The following INPP4B variants were observed in gnomAD, a reference collection of about 807,000 sequenced individuals.
INPP4B encodes inositol polyphosphate 4-phosphatase type II.
In INPP4B, 55 loss-of-function variants were observed where a neutral mutation model predicts 122.5. The ratio of observed to expected loss-of-function variants is 0.45; its 90% CI spans 0.36 to 0.56. The LOEUF is 0.56. Among genes scored for constraint, INPP4B ranks in the 20% least tolerant of loss-of-function variants. The pLI, the probability that INPP4B is intolerant of heterozygous loss-of-function variation, is 0.00. For synonymous variants in INPP4B, 403 were observed against 388.7 expected, an observed-to-expected ratio of 1.04 and a Z score of -0.43; for missense variants, 1,000 against 1,097.7, an observed-to-expected ratio of 0.91 and a Z score of 1.26.
chr4:142,123,892 AG>A, intron 19 of INPP4B, among the ~76,000 whole-genome samples: 1 of 152,136 alleles, frequency 6.6e-6, no homozygotes. Context: ...GGAAAGCGAC[AG>A]TTTGGTTAAA....
chr4:142,257,979 A>C (rs1181225057), intron 11 of INPP4B, among the ~76,000 whole-genome samples: 1 of 152,218 alleles, frequency 6.6e-6, no homozygotes, highest in Non-Finnish European at 1.5e-5. Context: ...TAACCAAAAC[A>C]GCATGGTACT....
At chr4:142,607,299 T>C (rs1741474516) in intron 2 of INPP4B, among the ~76,000 whole-genome samples, 1 of 152,030 alleles carries the variant, frequency 6.6e-6, no homozygotes, top group Non-Finnish European at 1.5e-5. Context: ...ATAAAAGTAG[T>C]CAAATATATG....
chr4:142,079,847 G>A (rs1772910071), intron 25 of INPP4B, among the ~76,000 whole-genome samples: 1 of 152,010 alleles, frequency 6.6e-6, no homozygotes, highest in East Asian at 1.9e-4. Context: ...TTTAATATAT[G>A]CTATTGTAGT....
intron 11 of INPP4B, among the ~76,000 whole-genome samples, chr4:142,247,840 T>C (rs550589762): frequency 2.6e-5 from 4 of 152,284 alleles, no homozygotes; most frequent in African/African-American, 9.6e-5. Context: ...GAAAGTAATA[T>C]TTTATTCCAA....
chr4:142,760,750 C>G (rs907431717), intron 1 of INPP4B, among the ~76,000 whole-genome samples: 23 of 152,138 alleles, frequency 1.5e-4, no homozygotes, highest in African/African-American at 5.6e-4. Context: ...CCTGAACAAA[C>G]CATGCTTTCT....
Position 142,028,248 on chromosome 4 carries a change from C to CA in INPP4B, c.*533dup, listed in dbSNP as rs1232802049. On this transcript the variant is annotated 3_prime_UTR_variant, in exon 26 of 26. Transcript: ENST00000262992. The stretch of plus-strand genomic sequence containing the variant: ...TAGAGATCATTGTGGAACATACCTG[C>CA]AAACTGCCTCAGTATTCCAGATCAT... 4.4e-6 allele frequency: 1 copy of CA among 226,874 alleles called. No individual in the cohort carries two copies. Among genetic ancestry groups the CA allele is most frequent in the Admixed American group, 5.7e-5 (1 of 17,686 alleles). 14.1% of individuals were successfully genotyped at this position (226,874 alleles called of 1,614,324 possible).
At chr4:142,351,459 G>A (rs1002511634) in intron 7 of INPP4B, among the ~76,000 whole-genome samples, 1 of 151,816 alleles carries the variant, frequency 6.6e-6, no homozygotes, top group African/African-American at 2.4e-5. Context: ...TTCCCTGATG[G>A]ACCCTGATTG....
intron 21 of INPP4B, among the ~76,000 whole-genome samples, chr4:142,119,202 T>A (rs552833854): frequency 3.5e-4 from 54 of 152,320 alleles, no homozygotes; most frequent in African/African-American, 1.3e-3. Flanking sequence ...TTGGTGGGAC[T>A]GTAAACTAGT....
chr4:142,266,399 A>G (rs1742838289), intron 10 of INPP4B, among the ~76,000 whole-genome samples: 2 of 152,194 alleles, frequency 1.3e-5, no homozygotes, highest in South Asian at 4.1e-4. Context: ...GAGAAGAACA[A>G]GGTTTAGGGT....
intron 17 of INPP4B, among the ~76,000 whole-genome samples, chr4:142,157,071 C>A (rs1224769841): frequency 6.6e-6 from 1 of 152,090 alleles, no homozygotes; most frequent in South Asian, 2.1e-4. Context: ...TGAGTTACTA[C>A]CAGCATTGAC....
At chr4:142,404,604 C>G (rs1455508662) in intron 6 of INPP4B, among the ~76,000 whole-genome samples, 1 of 152,182 alleles carries the variant, frequency 6.6e-6, no homozygotes, top group African/African-American at 2.4e-5. Context: ...AACCTCCCAT[C>G]TGATGAGTAA....
At chr4:142,295,239 CA>C (rs1398849373) in intron 9 of INPP4B, among the ~76,000 whole-genome samples, 1 of 152,150 alleles carries the variant, frequency 6.6e-6, no homozygotes, top group African/African-American at 2.4e-5. Flanking sequence ...ATCAAAGAAA[CA>C]GTGAGTATTT....
At chr4:142,434,080 A>C (rs912357270) in intron 3 of INPP4B, among the ~76,000 whole-genome samples, 34 of 152,214 alleles carry the variant, frequency 2.2e-4, no homozygotes, top group Admixed American at 1.8e-3. Context: ...TTTACCTCAC[A>C]ATCATCTATA....
intron 12 of INPP4B, among the ~76,000 whole-genome samples, chr4:142,212,989 G>C (rs1022134893): frequency 3.9e-5 from 6 of 152,164 alleles, no homozygotes; most frequent in African/African-American, 1.4e-4. Flanking sequence ...TTATTCCACT[G>C]TACCATCAGG....
intron 1 of INPP4B, among the ~76,000 whole-genome samples, chr4:142,805,897 A>G (rs1214474738): frequency 6.6e-6 from 1 of 152,110 alleles, no homozygotes; most frequent in Non-Finnish European, 1.5e-5. Flanking sequence ...TAAATCCCAC[A>G]TTGTTCAAGG....
At chr4:142,841,117 C>T (rs974586530) in intron 1 of INPP4B, among the ~76,000 whole-genome samples, 1 of 151,974 alleles carries the variant, frequency 6.6e-6, no homozygotes, top group Non-Finnish European at 1.5e-5. Flanking sequence ...GTATGCTAAT[C>T]TCTAAGTGGA....
At chr4:142,784,157 G>A (rs1411396618) in intron 1 of INPP4B, among the ~76,000 whole-genome samples, 5 of 151,986 alleles carry the variant, frequency 3.3e-5, no homozygotes, top group African/African-American at 1.2e-4. Context: ...GATGTCAGGA[G>A]TTCTAGACCA....
rs369009620 is a variant in INPP4B at position 142,314,743 on chromosome 4, G to C, written c.392C>G (p.Pro131Arg). 235 of 1,598,020 alleles carry C rather than the reference G, an allele frequency of 1.5e-4. No homozygotes were observed. The highest frequency in any genetic ancestry group is 1.9e-4 in the Non-Finnish European group (226 of 1,173,896). ...TTCTGGCGGGGGATCCTTATGTTCT[G>C]GTAGGACACTGGTTCGAACCTGTGG... Reference protein sequence around the residue: ...SHDTVRTSVLPEHKDPPPEVG... With the variant: ...SHDTVRTSVLREHKDPPPEVG... The change falls in exon 8 of 26, where the codon CCA (proline) becomes CGA (arginine). Residue 131 changes from proline (P) to arginine (R), a missense_variant. Transcript: ENST00000262992.
chr4:142,254,999 G>T (rs1418948599), intron 11 of INPP4B, among the ~76,000 whole-genome samples: 1 of 152,086 alleles, frequency 6.6e-6, no homozygotes, highest in Non-Finnish European at 1.5e-5. Context: ...GACTAACAGC[G>T]GCTCTCTCGG....
Sources: allele counts gnomAD v4.1 joint callset (sites outside exome capture counted in the v4.1 genomes callset), GRCh38; gene constraint gnomAD v4.1.1; transcripts MANE v1.5; gene names NCBI Gene and HGNC (gene_info 2026-07-23, HGNC 2026-07-21).